PRKCA: variants seen among roughly 807,000 people sequenced by gnomAD.
PRKCA encodes protein kinase C alpha type.
PRKCA carries 27 observed loss-of-function variants against 87.0 expected under a neutral mutation model. The ratio of observed to expected loss-of-function variants is 0.31; its 90% confidence interval spans 0.23 to 0.43. The LOEUF is 0.43. Among genes scored for constraint, PRKCA ranks in the 20% least tolerant of loss-of-function variants. The pLI is 1.00. For synonymous variants in PRKCA, 329 were observed against 311.1 expected (o/e 1.06, Z -0.61); for missense variants, 518 against 852.3 (o/e 0.61, Z 4.88).
At chr17:66,517,179 G>T (rs113093213) in intron 3 of PRKCA, among the ~76,000 whole-genome samples, 5,380 of 152,254 alleles carry the variant, frequency 0.035, 126 homozygotes, top group Non-Finnish European at 0.051. Flanking sequence ...AGCTACTTGG[G>T]AGGCTGAGGC....
chr17:66,508,141 G>A (rs568599601), intron 3 of PRKCA, among the ~76,000 whole-genome samples: 4 of 152,246 alleles, frequency 2.6e-5, no homozygotes, highest in African/African-American at 9.6e-5. Flanking sequence ...CCTCACAGTC[G>A]CCTCTATTAT....
chr17:66,409,295 G>C (rs896405704), intron 2 of PRKCA, among the ~76,000 whole-genome samples: 2 of 152,108 alleles, frequency 1.3e-5, no homozygotes, highest in African/African-American at 2.4e-5. Flanking sequence ...GCTTCTGTGA[G>C]GCCTTAGGGG....
At position 66,689,101 on chromosome 17, in the gene PRKCA, G is replaced by T; in HGVS notation, c.918+54G>T. 1 of 1,184,046 alleles carries T rather than the reference G, an allele frequency of 8.4e-7. No individual in the cohort carries two copies. Among genetic ancestry groups the T allele is most frequent in the South Asian group, 1.4e-5 (1 of 69,678 alleles). The allele number at this position is 1,184,046 out of a possible 1,614,324, so 73.3% of individuals were successfully genotyped here. ...CTTTCCTTTAGAAAGCCCAACTTCAGGAACGGCCGAGATGTTGTGGTCACA... is the reference window on the plus strand; with the variant it reads ...CTTTCCTTTAGAAAGCCCAACTTCATGAACGGCCGAGATGTTGTGGTCACA... On this transcript the variant is annotated intron_variant, in intron 8 of 16. Coordinates refer to ENST00000413366, the MANE Select transcript of PRKCA (RefSeq NM_002737.3). The surrounding 1 kb of genome is among the most constrained non-coding windows in gnomAD (Gnocchi z 4.1).
intron 5 of PRKCA, among the ~76,000 whole-genome samples, chr17:66,683,435 G>C (rs966409809): frequency 6.6e-6 from 1 of 152,236 alleles, no homozygotes; most frequent in Non-Finnish European, 1.5e-5. Context: ...AAAGATCCTG[G>C]TGCCTGGGTG....
intron 3 of PRKCA, among the ~76,000 whole-genome samples, chr17:66,575,034 A>G (rs189765041): frequency 6.6e-6 from 1 of 152,286 alleles, no homozygotes; most frequent in East Asian, 1.9e-4. Context: ...CTTCTCTTTG[A>G]CATATCTGAA....
intron 14 of PRKCA, among the ~76,000 whole-genome samples, chr17:66,783,909 G>A (rs945555377): frequency 6.6e-5 from 10 of 152,220 alleles, no homozygotes; most frequent in African/African-American, 2.4e-4. Flanking sequence ...CATTTAGCCC[G>A]CTTCGGGGGC....
chr17:66,375,791 ACT>A (rs1567797003), intron 2 of PRKCA, among the ~76,000 whole-genome samples: 1 of 151,954 alleles, frequency 6.6e-6, no homozygotes, highest in East Asian at 1.9e-4. Context: ...GCTCATAAAC[ACT>A]CTGGTTCACA....
chr17:66,323,754 A>G (rs1445371351), intron 2 of PRKCA, among the ~76,000 whole-genome samples: 1 of 152,176 alleles, frequency 6.6e-6, no homozygotes, highest in Non-Finnish European at 1.5e-5. Flanking sequence ...AGCCTGGCCA[A>G]CATGGTGAAA....
chr17:66,570,196 G>C (rs751441057), intron 3 of PRKCA, among the ~76,000 whole-genome samples: 1 of 152,116 alleles, frequency 6.6e-6, no homozygotes, highest in Non-Finnish European at 1.5e-5. Context: ...AGTGCCTAGG[G>C]GTCAAGGTAA....
chr17:66,727,405 T>C (rs2144183174), intron 8 of PRKCA, among the ~76,000 whole-genome samples: 1 of 152,128 alleles, frequency 6.6e-6, no homozygotes, highest in East Asian at 1.9e-4. Context: ...TTACACTAAA[T>C]ATTGGTGTTC....
chr17:66,675,862 C>T (rs1972314867), intron 5 of PRKCA, among the ~76,000 whole-genome samples: 1 of 152,178 alleles, frequency 6.6e-6, no homozygotes. Flanking sequence ...CCCACGCCAG[C>T]TGACCCAGCA....
intron 3 of PRKCA, among the ~76,000 whole-genome samples, chr17:66,528,611 G>A (rs1967430664): frequency 1.3e-5 from 2 of 152,152 alleles, no homozygotes; most frequent in African/African-American, 4.8e-5. Context: ...AAGGAAGCAG[G>A]GGCCCCCGGA....
chr17:66,425,746 G>A (rs1396796682), intron 2 of PRKCA, among the ~76,000 whole-genome samples: 5 of 152,126 alleles, frequency 3.3e-5, no homozygotes, highest in African/African-American at 1.2e-4. Flanking sequence ...TTGTTTGCGT[G>A]TATCTTACCC....
At chr17:66,366,258 G>GA (rs1908716154) in intron 2 of PRKCA, among the ~76,000 whole-genome samples, 1 of 152,150 alleles carries the variant, frequency 6.6e-6, no homozygotes, top group Non-Finnish European at 1.5e-5. Flanking sequence ...AAAAAATCCA[G>GA]AAGCCTTACA....
At chr17:66,740,361 G>T (rs1026377664) in intron 11 of PRKCA, among the ~76,000 whole-genome samples, 2 of 152,128 alleles carry the variant, frequency 1.3e-5, no homozygotes, top group Non-Finnish European at 1.5e-5. Flanking sequence ...CACCAGTGGA[G>T]CAAGCCTAAA....
chr17:66,346,370 T>G (rs1016207099), intron 2 of PRKCA, among the ~76,000 whole-genome samples: 5 of 151,882 alleles, frequency 3.3e-5, no homozygotes, highest in African/African-American at 1.2e-4. Context: ...GTGCTAAGAT[T>G]ACAGGCCTGA....
chr17:66,425,503 G>T (rs552583244), intron 2 of PRKCA, among the ~76,000 whole-genome samples: 1 of 152,258 alleles, frequency 6.6e-6, no homozygotes, highest in East Asian at 1.9e-4. Context: ...ACTGTTGTTT[G>T]AGGCCTTTTG....
intron 2 of PRKCA, among the ~76,000 whole-genome samples, chr17:66,462,456 C>G (rs1914895883): frequency 6.6e-6 from 1 of 152,104 alleles, no homozygotes; most frequent in Non-Finnish European, 1.5e-5. Context: ...TTCCATTTTT[C>G]TAATACTTGA....
chr17:66,484,347 C>T (rs1197423939), intron 2 of PRKCA, among the ~76,000 whole-genome samples: 2 of 152,156 alleles, frequency 1.3e-5, no homozygotes, highest in East Asian at 1.9e-4. Context: ...AATCAGATGA[C>T]ATTTTTATTT....
Sources: allele counts gnomAD v4.1 joint callset (sites outside exome capture counted in the v4.1 genomes callset), GRCh38; gene constraint gnomAD v4.1.1; non-coding constraint Gnocchi (gnomAD v3.1); transcripts MANE v1.5; gene names NCBI Gene and HGNC (gene_info 2026-07-23, HGNC 2026-07-21).